SUGCT: variants seen among roughly 807,000 people sequenced by gnomAD.
SUGCT encodes the protein succinyl-CoA:glutarate CoA-transferase.
SUGCT carries 41 observed loss-of-function variants against 55.0 expected under a neutral mutation model. The ratio of observed to expected loss-of-function variants is 0.74; its 90% CI spans 0.58 to 0.97. The LOEUF is 0.97. Ranked by LOEUF, SUGCT falls within the 50% of genes least tolerant of loss-of-function variation. The pLI, the probability that SUGCT is intolerant of heterozygous loss-of-function variation, is 0.00. For synonymous variants in SUGCT, 187 were observed against 200.4 expected, an observed-to-expected ratio of 0.93 and a Z score of 0.56; for missense variants, 568 against 547.8, an observed-to-expected ratio of 1.04 and a Z score of -0.37.
chr7:40,742,172 G>A (rs1787495183), intron 12 of SUGCT, among the ~76,000 whole-genome samples: 2 of 152,124 alleles, frequency 1.3e-5, no homozygotes, highest in Admixed American at 1.3e-4. Context: ...TTATGTGTGT[G>A]TGTATATTGC....
At chr7:40,444,007 A>T (rs1422856343) in intron 9 of SUGCT, among the ~76,000 whole-genome samples, 1 of 152,088 alleles carries the variant, frequency 6.6e-6, no homozygotes, top group Non-Finnish European at 1.5e-5. Flanking sequence ...TGTTTTTGTC[A>T]GGCTTGTCAA....
At chr7:40,754,161 T>C (rs1788146053) in intron 13 of SUGCT, among the ~76,000 whole-genome samples, 1 of 152,184 alleles carries the variant, frequency 6.6e-6, no homozygotes, top group Non-Finnish European at 1.5e-5. Flanking sequence ...AAGTACTCCC[T>C]CATCTGAACT....
At chr7:40,146,455 C>T (rs1426510981) in intron 1 of SUGCT, among the ~76,000 whole-genome samples, 2 of 152,186 alleles carry the variant, frequency 1.3e-5, no homozygotes, top group African/African-American at 2.4e-5. Context: ...CAGCCTTCAG[C>T]GCTGAGAGCC....
chr7:40,676,502 T>G (rs1464296747), intron 12 of SUGCT, among the ~76,000 whole-genome samples: 3 of 135,858 alleles, frequency 2.2e-5, no homozygotes, highest in South Asian at 2.2e-4. Context: ...GTTTTGTTTT[T>G]TGTTTTTTTT....
chr7:40,491,118 A>C (rs1791652484), intron 11 of SUGCT, among the ~76,000 whole-genome samples: 1 of 152,192 alleles, frequency 6.6e-6, no homozygotes, highest in African/African-American at 2.4e-5. Flanking sequence ...TTATCTTCTA[A>C]TTACTGTGTA....
intron 13 of SUGCT, among the ~76,000 whole-genome samples, chr7:40,842,907 T>C (rs889786028): frequency 1.3e-5 from 2 of 152,214 alleles, no homozygotes; most frequent in Non-Finnish European, 2.9e-5. Context: ...TTTTGGTTCA[T>C]GTTCAGTGAA....
intron 8 of SUGCT, among the ~76,000 whole-genome samples, chr7:40,316,257 C>G (rs1438935497): frequency 6.6e-6 from 1 of 152,126 alleles, no homozygotes; most frequent in Non-Finnish European, 1.5e-5. Flanking sequence ...GCTAAACTGA[C>G]TTAAATAAAA....
the SUGCT span, among the ~76,000 whole-genome samples, chr7:40,922,096 G>A: frequency 6.6e-6 from 1 of 152,154 alleles, no homozygotes; most frequent in East Asian, 1.9e-4. Context: ...TTGTTTCCAT[G>A]GTTATCCAAT....
intron 12 of SUGCT, among the ~76,000 whole-genome samples, chr7:40,604,119 G>T (rs552623247): frequency 6.6e-6 from 1 of 152,098 alleles, no homozygotes; most frequent in South Asian, 2.1e-4. Context: ...TTCCGGGCAG[G>T]CTTCTCGTTT....
At position 40,247,824 on chromosome 7, in the gene SUGCT, G is replaced by T. The variant is rs114878480; in HGVS notation, c.576+10098G>T. 4.2e-3 allele frequency among the ~76,000 whole-genome samples: 636 copies of T among 152,140 alleles called. 6 individuals are homozygous for T. Among genetic ancestry groups the T allele is most frequent in the African/African-American group, 0.015 (613 of 41,514 alleles). ...GATATTTTCTCCCAGCCTGTGGTTT[G>T]CCATTTTATTATCATAATGCTATCT... On this transcript the variant is annotated intron_variant, in intron 7 of 13. Transcript: ENST00000335693.
chr7:40,520,313 G>A (rs537500984), intron 12 of SUGCT, among the ~76,000 whole-genome samples: 6 of 152,216 alleles, frequency 3.9e-5, no homozygotes, highest in African/African-American at 1.4e-4. Context: ...AAATTCTGGT[G>A]TCTATTAAAC....
chr7:40,249,476 C>A (rs1213673091), intron 7 of SUGCT, among the ~76,000 whole-genome samples: 1 of 147,118 alleles, frequency 6.8e-6, no homozygotes, highest in Non-Finnish European at 1.5e-5. Flanking sequence ...ATCTTCAGTG[C>A]CTAGGAAAGA....
rs377193761 is a variant in SUGCT, at chr7:40,610,856, A to G, written c.1089+114470A>G. Reference sequence around the variant, plus strand: ...TTTAAGACTTCGAATTCCATCATGAACTTTGGTCTTGCCTCCTGTCAGTTT... The same window carrying G: ...TTTAAGACTTCGAATTCCATCATGAGCTTTGGTCTTGCCTCCTGTCAGTTT... On this transcript the variant is annotated intron_variant, in intron 12 of 13. Transcript: ENST00000335693. Among the ~76,000 whole-genome samples, 189 of 152,262 alleles carry G rather than the reference A, an allele frequency of 1.2e-3. 8 individuals carry two copies. In the South Asian group the frequency reaches 0.039, roughly 31 times the overall value.
At chr7:40,296,058 A>C (rs1794124394) in intron 8 of SUGCT, among the ~76,000 whole-genome samples, 1 of 152,168 alleles carries the variant, frequency 6.6e-6, no homozygotes, top group South Asian at 2.1e-4. Context: ...TATGATGATA[A>C]TATATCCTTG....
chr7:40,633,353 C>T (rs1799878556), intron 12 of SUGCT, among the ~76,000 whole-genome samples: 1 of 152,072 alleles, frequency 6.6e-6, no homozygotes, highest in Non-Finnish European at 1.5e-5. Context: ...GTAAAATAAA[C>T]ATTCACTGAT....
intron 12 of SUGCT, among the ~76,000 whole-genome samples, chr7:40,671,187 T>C (rs541545012): frequency 3.3e-5 from 5 of 152,274 alleles, no homozygotes; most frequent in Admixed American, 2.6e-4. Flanking sequence ...ATCTGTTGAG[T>C]CTTTCAATCT....
At chr7:40,790,573 G>C (rs1790262826) in intron 13 of SUGCT, among the ~76,000 whole-genome samples, 1 of 152,114 alleles carries the variant, frequency 6.6e-6, no homozygotes, top group African/African-American at 2.4e-5. Context: ...AATTCCAACA[G>C]ATAATAGAAT....
Position 40,581,079 on chromosome 7 carries a change from A to G in SUGCT, c.1089+84693A>G, listed in dbSNP as rs191004405. ...ACTGTATTTTACTTCATTAAGCAGT[A>G]AAAATCCCTGTTGTGTGCTTCGCTG... On this transcript the variant is annotated intron_variant, in intron 12 of 13. Coordinates refer to ENST00000335693, the MANE Select transcript of SUGCT (RefSeq NM_001193313.2). Among the ~76,000 whole-genome samples the G allele has an allele frequency of 2.1e-3, 320 of 152,366 alleles. 2 individuals carry two copies. The highest frequency in any genetic ancestry group is 7.3e-3 in the African/African-American group (303 of 41,586).
At chr7:40,801,463 T>C (rs1434992819) in intron 13 of SUGCT, among the ~76,000 whole-genome samples, 1 of 152,094 alleles carries the variant, frequency 6.6e-6, no homozygotes, top group Non-Finnish European at 1.5e-5. Flanking sequence ...CCAACCAGGA[T>C]GTTGTGGATG....
Sources: gnomAD v4.1 joint callset for allele counts (sites outside exome capture counted in the v4.1 genomes callset) on GRCh38, gnomAD v4.1.1 for gene constraint, MANE v1.5 for transcripts, NCBI Gene and HGNC (gene_info 2026-07-23, HGNC 2026-07-21) for gene names.